PALLD: variants seen among roughly 807,000 people sequenced by gnomAD.
The protein encoded by PALLD is palladin.
Under a neutral mutation model 123.5 loss-of-function variants are expected in PALLD, and 61 were observed. The ratio of observed to expected loss-of-function variants is 0.49; its 90% confidence interval spans 0.40 to 0.61. PALLD has a LOEUF of 0.61. Ranked by LOEUF, PALLD falls within the 20% of genes least tolerant of loss-of-function variation. The probability of loss-of-function intolerance (pLI) is 0.00; values close to 1 mark genes in which losing one functional copy is unlikely to be tolerated. For missense variants in PALLD, 1,273 were observed against 1,377.0 expected (o/e 0.92, Z 1.20); for synonymous variants, 465 against 496.4 (o/e 0.94, Z 0.84).
intron 10 of PALLD, among the ~76,000 whole-genome samples, chr4:168,742,182 C>T (rs1014409013): frequency 1.3e-5 from 2 of 152,176 alleles, no homozygotes; most frequent in Non-Finnish European, 2.9e-5. Flanking sequence ...ATGTAGAGGT[C>T]GTGGCTTCTC....
intron 10 of PALLD, among the ~76,000 whole-genome samples, chr4:168,830,038 C>T (rs1743971432): frequency 6.6e-6 from 1 of 152,102 alleles, no homozygotes; most frequent in South Asian, 2.1e-4. Flanking sequence ...TCAAGAGCAG[C>T]TTGGCCAACA....
chr4:168,695,167 A>T (rs1581011638), intron 8 of PALLD, among the ~76,000 whole-genome samples: 2 of 152,232 alleles, frequency 1.3e-5, no homozygotes, highest in Non-Finnish European at 2.9e-5. Flanking sequence ...GACCCATGCT[A>T]GATCTTGTAC....
At chr4:168,802,433 A>G (rs573944751) in intron 10 of PALLD, among the ~76,000 whole-genome samples, 1 of 152,324 alleles carries the variant, frequency 6.6e-6, no homozygotes, top group East Asian at 1.9e-4. Context: ...AGCAACATGG[A>G]TGGAACTGGA....
chr4:168,512,303 T>C lies in PALLD; in HGVS notation c.799T>C (p.Phe267Leu), dbSNP rs1762595856. Residue 267 changes from phenylalanine to leucine, a missense_variant, in exon 2 of 22, where the codon TTC becomes CTC. Phe to Leu is a conservative substitution (Grantham distance 22, BLOSUM62 0). Transcript: ENST00000505667. The stretch of plus-strand genomic sequence containing the variant: ...CCCACAGCCCCACAGCGCCCTCCAC[T>C]TCCCAGCTGCACCTCGATTCATCCA... ...SHPQPHSALH[F>L]PAAPRFIQKL... is the part of the protein sequence containing the mutation. 2 of 1,614,102 alleles carry C rather than the reference T, an allele frequency of 1.2e-6. No homozygotes were observed. The highest frequency in any genetic ancestry group is 2.2e-5 in the East Asian group (1 of 44,876).
chr4:168,585,742 C>G (rs1486380785), intron 2 of PALLD, among the ~76,000 whole-genome samples: 1 of 152,106 alleles, frequency 6.6e-6, no homozygotes, highest in East Asian at 1.9e-4. Flanking sequence ...GAAAAGCTCC[C>G]CAGCCCAGGG....
chr4:168,560,102 G>A (rs1293530252), intron 2 of PALLD, among the ~76,000 whole-genome samples: 1 of 152,150 alleles, frequency 6.6e-6, no homozygotes, highest in East Asian at 1.9e-4. Flanking sequence ...GTATAAAGGG[G>A]TGTAATGATC....
chr4:168,784,767 T>C (rs1736442986), intron 10 of PALLD, among the ~76,000 whole-genome samples: 1 of 151,944 alleles, frequency 6.6e-6, no homozygotes, highest in Non-Finnish European at 1.5e-5. Flanking sequence ...CAAATGTGAG[T>C]TTCATAGCAG....
intron 3 of PALLD, among the ~76,000 whole-genome samples, chr4:168,680,861 A>G (rs551963952): frequency 6.6e-6 from 1 of 152,344 alleles, no homozygotes; most frequent in South Asian, 2.1e-4. Context: ...TTGGGAAGGC[A>G]TGATCCAAAA....
At chr4:168,542,428 A>AT (rs1230656146) in intron 2 of PALLD, among the ~76,000 whole-genome samples, 11 of 151,734 alleles carry the variant, frequency 7.2e-5, no homozygotes, top group African/African-American at 1.9e-4. Flanking sequence ...TTTAAAATAA[A>AT]TTAAAAAAAA....
At chr4:168,792,506 C>G (rs1737677721) in intron 10 of PALLD, among the ~76,000 whole-genome samples, 1 of 151,904 alleles carries the variant, frequency 6.6e-6, no homozygotes, top group Admixed American at 6.6e-5. Flanking sequence ...TCTTGGCATC[C>G]TTAAGGTGCA....
At chr4:168,808,410 G>A (rs1187246625) in intron 10 of PALLD, among the ~76,000 whole-genome samples, 10 of 152,034 alleles carry the variant, frequency 6.6e-5, no homozygotes, top group Admixed American at 6.6e-4. Context: ...AACCCGGGAG[G>A]CAGAGGTTGC....
In PALLD at chr4:168,614,945, G is replaced by A. The variant is rs137893245; in HGVS notation, c.909-53245G>A. ...CAGCAAGATTGCCAATAGGCTGTGG[G>A]TATTTAAAACACAATGGCAGAAGAT... On this transcript the variant is annotated intron_variant, in intron 2 of 21. Transcript: ENST00000505667. Among the ~76,000 whole-genome samples the A allele has an allele frequency of 2.8e-3, 429 of 152,234 alleles. 5 individuals are homozygous for A. The highest frequency in any genetic ancestry group is 6.8e-3 in the Middle Eastern group (2 of 294).
chr4:168,594,767 G>T (rs1025138251), intron 2 of PALLD, among the ~76,000 whole-genome samples: 12 of 152,138 alleles, frequency 7.9e-5, no homozygotes, highest in Non-Finnish European at 4.4e-5. Flanking sequence ...CTTACAGGTT[G>T]TGTCAGTGAT....
chr4:168,779,959 C>T (rs533966778), intron 10 of PALLD, among the ~76,000 whole-genome samples: 14 of 151,120 alleles, frequency 9.3e-5, no homozygotes, highest in Non-Finnish European at 1.5e-4. Context: ...ACTGCAGTGG[C>T]GTGATCTCAG....
intron 10 of PALLD, among the ~76,000 whole-genome samples, chr4:168,837,051 T>C (rs1745302671): frequency 6.6e-6 from 1 of 152,066 alleles, no homozygotes. Context: ...GGAGGGAAAA[T>C]AAAGGTACAC....
chr4:168,923,110 T>C (rs1761912032), intron 18 of PALLD, among the ~76,000 whole-genome samples: 1 of 152,256 alleles, frequency 6.6e-6, no homozygotes, highest in South Asian at 2.1e-4. Context: ...ATGTTATTCT[T>C]ACTGATGAGT....
intron 2 of PALLD, among the ~76,000 whole-genome samples, chr4:168,637,457 T>C (rs993833822): frequency 1.3e-5 from 2 of 151,962 alleles, no homozygotes; most frequent in Non-Finnish European, 2.9e-5. Flanking sequence ...TGGCTCCATG[T>C]TCTTCCTATG....
intron 2 of PALLD, among the ~76,000 whole-genome samples, chr4:168,538,360 T>C (rs62333858): frequency 0.086 from 13,062 of 152,026 alleles, 809 homozygotes; most frequent in Non-Finnish European, 0.12. Context: ...CAAAGAAAAT[T>C]GAAAGATTTA....
intron 2 of PALLD, among the ~76,000 whole-genome samples, chr4:168,564,521 C>G (rs748045076): frequency 6.6e-6 from 1 of 152,196 alleles, no homozygotes; most frequent in Admixed American, 6.5e-5. Flanking sequence ...ATGAAATAAT[C>G]TAAAATTGTG....
Sources: allele counts gnomAD v4.1 joint callset (sites outside exome capture counted in the v4.1 genomes callset), GRCh38; gene constraint gnomAD v4.1.1; transcripts MANE v1.5; gene names NCBI Gene and HGNC (gene_info 2026-07-23, HGNC 2026-07-21).